The following ABCB4 variants were observed in gnomAD, a reference collection of about 807,000 sequenced individuals.
ABCB4 encodes phosphatidylcholine translocator ABCB4.
Under a neutral mutation model 145.7 loss-of-function variants are expected in ABCB4, and 76 were observed. That is an observed-to-expected ratio of 0.52 (90% CI 0.43 to 0.63). ABCB4 has a LOEUF of 0.63. Among genes scored for constraint, ABCB4 ranks in the 30% least tolerant of loss-of-function variants. The probability of loss-of-function intolerance (pLI) is 0.00; values close to 1 mark genes in which losing one functional copy is unlikely to be tolerated. For synonymous variants in ABCB4, 517 were observed against 566.8 expected (o/e 0.91, Z 1.25); for missense variants, 1,234 against 1,553.1 (o/e 0.79, Z 3.45).
At chr7:87,408,466 C>G (rs1808374239) in intron 24 of ABCB4, among the ~76,000 whole-genome samples, 1 of 152,170 alleles carries the variant, frequency 6.6e-6, no homozygotes, top group African/African-American at 2.4e-5. Flanking sequence ...GAGTTGTTAT[C>G]TAACTTAGTT....
chr7:87,368,013 A>G, the ABCB4 span, among the ~76,000 whole-genome samples: 2 of 152,082 alleles, frequency 1.3e-5, no homozygotes, highest in South Asian at 2.1e-4. Context: ...TTTCCTTCCC[A>G]TCATACTGGA....
chr7:87,411,974 A>G lies in ABCB4; in HGVS notation c.2843T>C (p.Met948Thr), dbSNP rs1173967625. The stretch of plus-strand genomic sequence containing the variant: ...AAAACAACCGGCATAGGAAAAATAC[A>G]TAAATGCTTGTGAGATACTAAAAGT... ...GITFSISQAF[M>T]YFSYAGCFRF... Residue 948 changes from methionine to threonine, a missense_variant, in exon 23 of 28, where the codon ATG (methionine) becomes ACG (threonine). Transcript: ENST00000649586. The G allele has an allele frequency of 1.9e-6, 3 of 1,613,858 alleles. No homozygotes were observed. In the African/African-American group the frequency reaches 4.0e-5, roughly 22 times the overall value.
chr7:87,424,964 C>A (rs1478303897), intron 16 of ABCB4, among the ~76,000 whole-genome samples: 1 of 152,078 alleles, frequency 6.6e-6, no homozygotes, highest in Non-Finnish European at 1.5e-5. Context: ...ATATTTATAT[C>A]TCTATAAAAC....
rs184992420 is a variant in ABCB4 at position 87,457,371 on chromosome 7, C to G, written c.287-2779G>C. The stretch of plus-strand genomic sequence containing the variant: ...GCTGGAGTGAGCTATGATCACTTCA[C>G]TGCACTCTAGCCTGGGCAACAGAGC... On this transcript the variant is annotated intron_variant, in intron 4 of 27. Coordinates refer to ENST00000649586, the MANE Select transcript of ABCB4 (RefSeq NM_000443.4). 2.6e-5 allele frequency among the ~76,000 whole-genome samples: 4 copies of G among 152,254 alleles called. No individual in the cohort carries two copies. In the East Asian group the frequency reaches 7.7e-4, roughly 29 times the overall value.
intron 3 of ABCB4, among the ~76,000 whole-genome samples, chr7:87,466,201 T>C (rs1812883401): frequency 6.6e-6 from 1 of 152,098 alleles, no homozygotes; most frequent in African/African-American, 2.4e-5. Flanking sequence ...GAGAAGTCCT[T>C]AAAGGACCTG....
At chr7:87,385,206 AT>A in the ABCB4 span, among the ~76,000 whole-genome samples, 14 of 144,122 alleles carry the variant, frequency 9.7e-5, no homozygotes, top group East Asian at 4.1e-4. Context: ...GAATTTTTGG[AT>A]TTTTTTTTCC....
chr7:87,402,791 G>A (rs2116304526), intron 27 of ABCB4, among the ~76,000 whole-genome samples: 1 of 152,240 alleles, frequency 6.6e-6, no homozygotes, highest in South Asian at 2.1e-4. Context: ...CACAAGGTCA[G>A]GATTCGAGAC....
At chr7:87,458,308 A>ACAACTGACT (rs1812231276) in intron 4 of ABCB4, among the ~76,000 whole-genome samples, 1 of 152,234 alleles carries the variant, frequency 6.6e-6, no homozygotes, top group African/African-American at 2.4e-5. Context: ...TACTTTCTGC[A>ACAACTGACT]CAACTGACTC....
At chr7:87,370,812 C>T in the ABCB4 span, among the ~76,000 whole-genome samples, 1 of 152,160 alleles carries the variant, frequency 6.6e-6, no homozygotes, top group Admixed American at 6.5e-5. Context: ...TTTTGGTGTA[C>T]ACATGCATGT....
chr7:87,391,641 A>G, the ABCB4 span: 22 of 1,611,664 alleles, frequency 1.4e-5, no homozygotes, highest in South Asian at 1.3e-4. Context: ...TCATGGCCGT[A>G]CAGAGACTAT....
At chr7:87,381,064 T>G in the ABCB4 span, among the ~76,000 whole-genome samples, 1 of 152,184 alleles carries the variant, frequency 6.6e-6, no homozygotes, top group Non-Finnish European at 1.5e-5. Flanking sequence ...AGAGCTATAG[T>G]GTTAGGGTGA....
At chr7:87,468,788 A>G (rs6959217) in intron 3 of ABCB4, among the ~76,000 whole-genome samples, 89,465 of 151,580 alleles carry the variant, frequency 0.59, 29,501 homozygotes, top group African/African-American at 0.9. Flanking sequence ...AAAACTAGCC[A>G]GGCGTGGTGG....
chr7:87,404,580 A>T (rs892745846), intron 26 of ABCB4, among the ~76,000 whole-genome samples: 1 of 152,218 alleles, frequency 6.6e-6, no homozygotes, highest in Non-Finnish European at 1.5e-5. Context: ...TAAACAAGCT[A>T]CAGACTGGGA....
chr7:87,366,700 T>C, the ABCB4 span, among the ~76,000 whole-genome samples: 1 of 152,188 alleles, frequency 6.6e-6, no homozygotes, highest in African/African-American at 2.4e-5. Flanking sequence ...CCATCATTAC[T>C]CCCAGGCATA....
At chr7:87,365,977 C>G in the ABCB4 span, among the ~76,000 whole-genome samples, 139 of 152,176 alleles carry the variant, frequency 9.1e-4, no homozygotes, top group South Asian at 2.9e-3. Flanking sequence ...CCTTTCATCC[C>G]TGTTTACCAC....
chr7:87,462,777 T>G lies in ABCB4; in HGVS notation c.267A>C (p.Ala89=), dbSNP rs751887134. ...GEMTDKFVDT[A]GNFSFPVNFS... ...GCTTACCTGGAAAGGAGAAGTTTCC[T>G]GCAGTATCAACAAATTTGTCAGTCA... The change falls in exon 4 of 28, where the codon GCA becomes GCC. Residue 89 remains alanine, a synonymous_variant. Transcript: ENST00000649586. The G allele has an allele frequency of 6.2e-7, 1 of 1,614,046 alleles. No homozygotes were observed. Among genetic ancestry groups the G allele is most frequent in the Non-Finnish European group, 8.5e-7 (1 of 1,179,940 alleles).
Position 87,440,373 on chromosome 7 carries a change from G to A in ABCB4, c.1386C>T (p.Asn462=). 6.2e-7 allele frequency: 1 copy of A among 1,614,084 alleles called. No homozygotes were observed. Among genetic ancestry groups the A allele is most frequent in the Non-Finnish European group, 8.5e-7 (1 of 1,180,008 alleles). Residue 462 remains asparagine, a synonymous_variant, in exon 13 of 28, where the codon AAC becomes AAT. Coordinates refer to ENST00000649586, the MANE Select transcript of ABCB4 (RefSeq NM_000443.4). ...TINIDGQDIR[N]FNVNYLREII... ...TTTCCCTCAGATAGTTTACATTAAA[G>A]TTCCTAATATCCTGCCCATCAATGT...
chr7:87,403,047 T>G, intron 27 of ABCB4, 88 bp downstream of exon 27: 2 of 1,371,810 alleles, frequency 1.5e-6, no homozygotes, highest in Non-Finnish European at 2.1e-6. Flanking sequence ...TTTCCCCCTG[T>G]GCTTGTGTGT....
chr7:87,382,481 G>A, the ABCB4 span: 6 of 1,613,810 alleles, frequency 3.7e-6, no homozygotes, highest in African/African-American at 8.0e-5. Context: ...AGAACAAGAT[G>A]CTTCACCCGG....
Sources: gnomAD v4.1 joint callset for allele counts (sites outside exome capture counted in the v4.1 genomes callset) on GRCh38, gnomAD v4.1.1 for gene constraint, MANE v1.5 for transcripts, NCBI Gene and HGNC (gene_info 2026-07-23, HGNC 2026-07-21) for gene names.